KIF1A: variants seen among roughly 807,000 people sequenced by gnomAD.
KIF1A encodes kinesin family member 1A, also known as kinesin-like protein KIF1A.
Under a neutral mutation model 227.3 loss-of-function variants are expected in KIF1A, and 46 were observed. That is an observed-to-expected ratio of 0.20 (90% CI 0.16 to 0.26). KIF1A has a LOEUF of 0.26. Ranked by LOEUF, KIF1A falls within the 10% of genes least tolerant of loss-of-function variation. The probability of loss-of-function intolerance (pLI) is 1.00; values close to 1 mark genes in which losing one functional copy is unlikely to be tolerated. For synonymous variants in KIF1A, 1,022 were observed against 1,012.8 expected (o/e 1.01, Z -0.17); for missense variants, 1,683 against 2,485.9 (o/e 0.68, Z 6.87).
At chr2:240,724,944 G>GGGGGGA (rs2045833809) in intron 40 of KIF1A, 1 of 193,956 alleles carries the variant, frequency 5.2e-6, no homozygotes, top group Non-Finnish European at 1.0e-5. Flanking sequence ...CGGGGGGGGG[G>GGGGGGA]GGGGGGGAAC....
chr2:240,787,058 A>G (rs2055031042), intron 5 of KIF1A, among the ~76,000 whole-genome samples, 193 bp downstream of exon 5: 2 of 152,074 alleles, frequency 1.3e-5, no homozygotes, highest in South Asian at 4.1e-4. Context: ...GGTGGGGATC[A>G]CCTCATCACT....
chr2:240,720,806 T>G, intron 45 of KIF1A, 108 bp downstream of exon 45: 1 of 1,339,982 alleles, frequency 7.5e-7, no homozygotes, highest in Non-Finnish European at 1.0e-6. Flanking sequence ...CCCAAGGCAC[T>G]CGGCCATTGG....
Position 240,772,551 on chromosome 2 carries a change from C to T in KIF1A, c.1207+19G>A, listed in dbSNP as rs1377009696. 1.3e-6 allele frequency: 2 copies of T among 1,546,646 alleles called. No homozygotes were observed. Among genetic ancestry groups the T allele is most frequent in the Non-Finnish European group, 1.7e-6 (2 of 1,143,742 alleles). ...GGGCTGGAAGCAGAGATGCAGAGAG[C>T]AGCAAAGGGAATACACACATTTGGG... On this transcript the variant is annotated intron_variant, in intron 14 of 48. Transcript: ENST00000498729.
At chr2:240,765,480 G>A (rs2051057279) in intron 20 of KIF1A, among the ~76,000 whole-genome samples, 1 of 152,236 alleles carries the variant, frequency 6.6e-6, no homozygotes, top group South Asian at 2.1e-4. Flanking sequence ...AGTGTCTCGG[G>A]GCCCCTGTGT....
chr2:240,799,441 G>A (rs2056755985), intron 1 of KIF1A, among the ~76,000 whole-genome samples: 1 of 152,210 alleles, frequency 6.6e-6, no homozygotes, highest in African/African-American at 2.4e-5. Flanking sequence ...GCCACCCTAT[G>A]GCTAAGTGGG....
chr2:240,800,670 C>T (rs964496646), intron 1 of KIF1A, among the ~76,000 whole-genome samples: 12 of 152,184 alleles, frequency 7.9e-5, no homozygotes, highest in Admixed American at 4.6e-4. Context: ...AACAAATGCC[C>T]AGTCCTTCCC....
rs1169367634 is a variant in KIF1A, at chr2:240,713,994, C to T, written c.*3370G>A. On this transcript the variant is annotated 3_prime_UTR_variant, in exon 49 of 49. Coordinates refer to ENST00000498729, the MANE Select transcript of KIF1A (RefSeq NM_001244008.2). ...GGGGAACCAGGGGACGGACTAACTACAGGAAGCACAGGCCCAGGGAGAAAC... is the reference window on the plus strand; with the variant it reads ...GGGGAACCAGGGGACGGACTAACTATAGGAAGCACAGGCCCAGGGAGAAAC... 6.5e-6 allele frequency: 1 copy of T among 153,004 alleles called. No homozygotes were observed. The highest frequency in any genetic ancestry group is 2.4e-5 in the African/African-American group (1 of 41,468). 9.5% of individuals were successfully genotyped at this position (153,004 alleles called of 1,614,324 possible).
At chr2:240,781,431 CCACACACA>C (rs1207804684) in intron 10 of KIF1A, among the ~76,000 whole-genome samples, 2,445 of 21,700 alleles carry the variant, frequency 0.11, 310 homozygotes, top group African/African-American at 0.25. Flanking sequence ...ACACACAGCT[CCACACACA>C]CACACACACA....
Position 240,815,016 on chromosome 2 carries a change from C to T in KIF1A, c.-61+5106G>A, listed in dbSNP as rs73014715. Among the ~76,000 whole-genome samples, 1,412 of 152,344 alleles carry T rather than the reference C, an allele frequency of 9.3e-3. 16 individuals are homozygous for T. Among genetic ancestry groups the T allele is most frequent in the Non-Finnish European group, 0.017 (1,150 of 68,034 alleles). ...CAGAGCTGACGCAAAGGGTGTGGGG[C>T]CGTAAGCGTGCTCCTCTGGTCTGCG... On this transcript the variant is annotated intron_variant, in intron 1 of 48. Transcript: ENST00000498729.
chr2:240,742,851 T>C lies in KIF1A; in HGVS notation c.3640+78A>G. 2.3e-6 allele frequency: 3 copies of C among 1,313,330 alleles called. No individual in the cohort carries two copies. In the South Asian group the frequency reaches 3.8e-5, roughly 16 times the overall value. The allele number at this position is 1,313,330 out of a possible 1,614,324, so 81.4% of individuals were successfully genotyped here. A position where few individuals can be genotyped will look rare whatever the true frequency, so the allele number is the denominator to read the frequency against. ...CCCAGTCACAGAGGACAGCATTCACTGCGGGGGCCCAGCCCACTACAGCAC... is the reference window on the plus strand; with the variant it reads ...CCCAGTCACAGAGGACAGCATTCACCGCGGGGGCCCAGCCCACTACAGCAC... On this transcript the variant is annotated intron_variant, in intron 34 of 48. Coordinates refer to ENST00000498729, the MANE Select transcript of KIF1A (RefSeq NM_001244008.2).
At chr2:240,732,752 ATAAGGGG>A (rs2046871515) in intron 38 of KIF1A, among the ~76,000 whole-genome samples, 1 of 51,348 alleles carries the variant, frequency 1.9e-5, no homozygotes, top group East Asian at 7.2e-4. Context: ...GGATGAAGGG[ATAAGGGG>A]GAATGAGGGA....
At chr2:240,807,118 G>GTGTATA (rs1553641844) in intron 1 of KIF1A, among the ~76,000 whole-genome samples, 3 of 135,594 alleles carry the variant, frequency 2.2e-5, no homozygotes, top group Non-Finnish European at 4.6e-5. Flanking sequence ...GTGTGTGTGT[G>GTGTATA]TGTGTGTGTG....
At position 240,763,160 on chromosome 2, in the gene KIF1A, C is replaced by T. The variant is rs769945403; in HGVS notation, c.1949+6G>A. 3.9e-5 allele frequency: 63 copies of T among 1,608,840 alleles called. No homozygotes were observed. The highest frequency in any genetic ancestry group is 5.3e-5 in the African/African-American group (4 of 74,930). On this transcript the variant is annotated splice_donor_region_variant and intron_variant, in intron 21 of 48. Transcript: ENST00000498729. Reference sequence around the variant, plus strand: ...AGCAGGCAGTTGGGGGTGGCCTCCGCCTCACCTCTGCTCCATCTCCTGCTT... The same window carrying T: ...AGCAGGCAGTTGGGGGTGGCCTCCGTCTCACCTCTGCTCCATCTCCTGCTT...
At chr2:240,808,851 C>A (rs533054396) in intron 1 of KIF1A, among the ~76,000 whole-genome samples, 1 of 152,162 alleles carries the variant, frequency 6.6e-6, no homozygotes, top group Non-Finnish European at 1.5e-5. Flanking sequence ...CTGCCTCAGC[C>A]TCCCGAGTAG....
intron 24 of KIF1A, 21 bp from the exon 25 acceptor site, chr2:240,760,864 C>T: frequency 6.2e-7 from 1 of 1,600,672 alleles, no homozygotes; most frequent in South Asian, 1.1e-5. Flanking sequence ...GGAAGATGAC[C>T]ACTCGTCAGC....
intron 32 of KIF1A, 73 bp from the exon 33 acceptor site, chr2:240,744,133 A>T (rs2048319289): frequency 4.8e-6 from 5 of 1,036,422 alleles, no homozygotes; most frequent in South Asian, 3.9e-5. Context: ...GAGTCACATC[A>T]GTGAGCTAAG....
intron 22 of KIF1A, 66 bp downstream of exon 22, chr2:240,762,953 T>C: frequency 1.9e-5 from 19 of 1,009,542 alleles, no homozygotes; most frequent in Non-Finnish European, 2.3e-5. Flanking sequence ...AGTGGGGGCG[T>C]GGGAGGACAG....
At chr2:240,734,051 C>G (rs1200537674) in intron 38 of KIF1A, among the ~76,000 whole-genome samples, 1 of 152,192 alleles carries the variant, frequency 6.6e-6, no homozygotes, top group Non-Finnish European at 1.5e-5. Context: ...GTCTGGGACT[C>G]TATGGTCTCT....
At chr2:240,765,609 A>G (rs1300864629) in intron 20 of KIF1A, 101 bp downstream of exon 20, 3 of 953,480 alleles carry the variant, frequency 3.1e-6, no homozygotes, top group Non-Finnish European at 4.9e-6. Context: ...AAGAGCTGCC[A>G]TCCCGCACAG....
Sources: gnomAD v4.1 joint callset for allele counts (sites outside exome capture counted in the v4.1 genomes callset) on GRCh38, gnomAD v4.1.1 for gene constraint, MANE v1.5 for transcripts, NCBI Gene and HGNC (gene_info 2026-07-23, HGNC 2026-07-21) for gene names.